The following KLF12 variants were observed in gnomAD, a reference collection of about 807,000 sequenced individuals.
KLF12 encodes Krueppel-like factor 12.
Under a neutral mutation model 37.8 loss-of-function variants are expected in KLF12, and 9 were observed. The ratio of observed to expected loss-of-function variants is 0.24; its 90% CI spans 0.14 to 0.42. The LOEUF is 0.42. KLF12 is among the 10% of genes least tolerant of loss of function. The pLI is 1.00. For synonymous variants in KLF12, 208 were observed against 202.1 expected (o/e 1.03, Z -0.25); for missense variants, 411 against 516.0 (o/e 0.80, Z 1.97).
chr13:73,903,501 T>C (rs1888128970), intron 3 of KLF12, among the ~76,000 whole-genome samples: 1 of 152,224 alleles, frequency 6.6e-6, no homozygotes, highest in African/African-American at 2.4e-5. Context: ...GATTTGTACC[T>C]AAAGCCGAAT....
At chr13:74,234,914 A>G in the KLF12 span, among the ~76,000 whole-genome samples, 2 of 152,252 alleles carry the variant, frequency 1.3e-5, no homozygotes, top group Middle Eastern at 3.4e-3. Flanking sequence ...AATCTTAGAG[A>G]TAGTTCTGAA....
In KLF12 at chr13:73,715,408, T is replaced by C; in HGVS notation, c.987A>G (p.Thr329=). Residue 329 remains threonine (T), a synonymous_variant, in exon 7 of 8, where the codon ACA becomes ACG. Coordinates refer to ENST00000377669, the MANE Select transcript of KLF12 (RefSeq NM_007249.5). ...GGTGAGCCTTCAGGTGAGAACTTTTTGTGTACACTTTGTTGCATCCCTCAA... is the reference window on the plus strand; with the variant it reads ...GGTGAGCCTTCAGGTGAGAACTTTTCGTGTACACTTTGTTGCATCCCTCAA... The C allele has an allele frequency of 6.2e-7, 1 of 1,614,126 alleles. No individual in the cohort carries two copies. Among genetic ancestry groups the C allele is most frequent in the Non-Finnish European group, 8.5e-7 (1 of 1,179,984 alleles).
the KLF12 span, among the ~76,000 whole-genome samples, chr13:74,266,196 G>A: frequency 6.6e-6 from 1 of 152,180 alleles, no homozygotes; most frequent in Admixed American, 6.5e-5. Context: ...AGCAGATTGG[G>A]ATGCTTTATG....
intron 6 of KLF12, among the ~76,000 whole-genome samples, chr13:73,754,766 A>G (rs1879025811): frequency 6.6e-6 from 1 of 152,160 alleles, no homozygotes; most frequent in Non-Finnish European, 1.5e-5. Context: ...GATGGAATAA[A>G]TCTCGTCTCA....
chr13:74,208,904 T>C, the KLF12 span, among the ~76,000 whole-genome samples: 1 of 152,076 alleles, frequency 6.6e-6, no homozygotes, highest in Non-Finnish European at 1.5e-5. Context: ...GGACAAACTG[T>C]TGTTTGGTTA....
intron 3 of KLF12, among the ~76,000 whole-genome samples, chr13:73,910,832 GAAT>G (rs1307163327): frequency 1.3e-5 from 2 of 152,114 alleles, no homozygotes; most frequent in African/African-American, 4.8e-5. Context: ...TAGATTAATT[GAAT>G]AATTAATGAG....
At chr13:74,036,320 G>T (rs988515015) in intron 1 of KLF12, among the ~76,000 whole-genome samples, 1 of 152,018 alleles carries the variant, frequency 6.6e-6, no homozygotes, top group Non-Finnish European at 1.5e-5. Context: ...AACTTCCCAC[G>T]GTACCTAATA....
the KLF12 span, among the ~76,000 whole-genome samples, chr13:74,284,920 A>G: frequency 2.0e-5 from 3 of 152,020 alleles, no homozygotes; most frequent in Non-Finnish European, 2.9e-5. Flanking sequence ...TTTTTTTCCC[A>G]CCCATTATAA....
chr13:74,072,131 G>C (rs1487232773), intron 1 of KLF12, among the ~76,000 whole-genome samples: 1 of 151,840 alleles, frequency 6.6e-6, no homozygotes, highest in African/African-American at 2.4e-5. Context: ...GATGAAGGCA[G>C]ATCAATGCCA....
chr13:74,018,084 CTT>C lies in KLF12; in HGVS notation c.-31-23033_-31-23032del, dbSNP rs113838831. Among the ~76,000 whole-genome samples, 269 of 143,230 alleles carry C rather than the reference CTT, an allele frequency of 1.9e-3. 2 individuals carry two copies. The highest frequency in any genetic ancestry group is 5.4e-3 in the African/African-American group (212 of 39,496). 94.0% of individuals were successfully genotyped at this position (143,230 alleles called of 152,430 possible). On this transcript the variant is annotated intron_variant, in intron 1 of 7. Transcript: ENST00000377669. Reference sequence around the variant, plus strand: ...CTTTTGAAAATTCTTATAATTACTGCTTTTTTTTTTTTTTACTTAAAAAAATA... The same window carrying C: ...CTTTTGAAAATTCTTATAATTACTGCTTTTTTTTTTTTACTTAAAAAAATA...
chr13:74,153,842 G>A, the KLF12 span, among the ~76,000 whole-genome samples: 8 of 152,052 alleles, frequency 5.3e-5, no homozygotes, highest in African/African-American at 1.7e-4. Flanking sequence ...CTACCTGCCC[G>A]CCTGAATTTT....
intron 1 of KLF12, among the ~76,000 whole-genome samples, chr13:74,035,312 CTTTCT>C (rs1267125767): frequency 6.6e-6 from 1 of 152,094 alleles, no homozygotes; most frequent in Non-Finnish European, 1.5e-5. Flanking sequence ...TTTATGTTGT[CTTTCT>C]TTTAATATTT....
At chr13:74,301,941 G>T in the KLF12 span, among the ~76,000 whole-genome samples, 1 of 152,070 alleles carries the variant, frequency 6.6e-6, no homozygotes, top group African/African-American at 2.4e-5. Flanking sequence ...TGCCTTGAAG[G>T]GTTTAAAGGA....
At chr13:74,151,006 G>A in the KLF12 span, among the ~76,000 whole-genome samples, 2 of 152,168 alleles carry the variant, frequency 1.3e-5, no homozygotes, top group Non-Finnish European at 2.9e-5. Flanking sequence ...GAATTAAAAA[G>A]ATAAAACTCT....
chr13:73,784,887 T>C (rs1387210764), intron 5 of KLF12, among the ~76,000 whole-genome samples: 6 of 151,890 alleles, frequency 4.0e-5, no homozygotes, highest in Non-Finnish European at 8.8e-5. Context: ...CCACCCGCCT[T>C]GGCCTCCCAA....
At chr13:74,143,973 C>T in the KLF12 span, among the ~76,000 whole-genome samples, 1 of 152,138 alleles carries the variant, frequency 6.6e-6, no homozygotes, top group Non-Finnish European at 1.5e-5. Flanking sequence ...ACCATAATCC[C>T]ATTGTGAGTT....
the KLF12 span, among the ~76,000 whole-genome samples, chr13:74,198,546 T>C: frequency 6.6e-6 from 1 of 152,132 alleles, no homozygotes; most frequent in Non-Finnish European, 1.5e-5. Flanking sequence ...TCTGGAAACT[T>C]TTAAAGCAAT....
chr13:73,786,237 T>G (rs1300814810), intron 5 of KLF12, among the ~76,000 whole-genome samples: 1 of 152,212 alleles, frequency 6.6e-6, no homozygotes, highest in Non-Finnish European at 1.5e-5. Flanking sequence ...GCTGGCATAA[T>G]GACATTTAAC....
At chr13:74,073,521 T>A (rs1356949882) in intron 1 of KLF12, among the ~76,000 whole-genome samples, 1 of 152,200 alleles carries the variant, frequency 6.6e-6, no homozygotes, top group Non-Finnish European at 1.5e-5. Context: ...TGAGTTCAGC[T>A]GCACCAGCTG....
Sources: allele counts gnomAD v4.1 joint callset (sites outside exome capture counted in the v4.1 genomes callset), GRCh38; gene constraint gnomAD v4.1.1; transcripts MANE v1.5; gene names NCBI Gene and HGNC (gene_info 2026-07-23, HGNC 2026-07-21).